Variants in PEX14 observed in about 807,000 individuals in gnomAD.
The protein encoded by PEX14 is peroxisomal biogenesis factor 14, also known as peroxisomal membrane protein PEX14.
In PEX14, 15 loss-of-function variants were observed where a neutral mutation model predicts 49.5. The ratio of observed to expected loss-of-function variants is 0.30; its 90% CI spans 0.20 to 0.47. The LOEUF is 0.47. Among genes scored for constraint, PEX14 ranks in the 20% least tolerant of loss-of-function variants. PEX14 has a pLI of 1.00. For missense variants in PEX14, 398 were observed against 494.8 expected, an observed-to-expected ratio of 0.80 and a Z score of 1.86; for synonymous variants, 210 against 212.7, an observed-to-expected ratio of 0.99 and a Z score of 0.11.
intron 2 of PEX14, among the ~76,000 whole-genome samples, chr1:10,506,034 A>T (rs1641776507): frequency 1.3e-5 from 2 of 151,104 alleles, no homozygotes; most frequent in East Asian, 2.0e-4. Flanking sequence ...ACATATTTTT[A>T]AAACTGTGTC....
At chr1:10,563,325 C>T (rs903397921) in intron 3 of PEX14, among the ~76,000 whole-genome samples, 7 of 151,538 alleles carry the variant, frequency 4.6e-5, no homozygotes, top group Admixed American at 2.6e-4. Context: ...TCAGGCCGGG[C>T]GCGGTTGCTC....
Position 10,495,136 on chromosome 1 carries a change from T to C in PEX14, c.37-138T>C. ...TTACAGGTAGTCCACTGCAAAATACTCTTGTGTCGTGAAAAACCAGTGAGA... is the reference window on the plus strand; with the variant it reads ...TTACAGGTAGTCCACTGCAAAATACCCTTGTGTCGTGAAAAACCAGTGAGA... On this transcript the variant is annotated intron_variant, in intron 1 of 8. Transcript: ENST00000356607. This position sits in a 1 kb window ranked among gnomAD's most constrained non-coding sequence, Gnocchi z 4.2. The C allele has an allele frequency of 6.5e-7, 1 of 1,550,254 alleles. No homozygotes were observed. The highest frequency in any genetic ancestry group is 8.7e-7 in the Non-Finnish European group (1 of 1,146,124).
chr1:10,535,782 T>C, intron 2 of PEX14: 1 of 318,318 alleles, frequency 3.1e-6, no homozygotes, highest in Non-Finnish European at 6.1e-6. Flanking sequence ...AGAACGTGTG[T>C]GTGTGTGTGT....
intron 3 of PEX14, 139 bp downstream of exon 3, chr1:10,536,436 G>A (rs1638805658): frequency 5.7e-6 from 4 of 703,036 alleles, no homozygotes; most frequent in Non-Finnish European, 1.1e-5. Context: ...GGGCTGAGGC[G>A]AACCCCCCAG....
At chr1:10,586,841 C>T (rs1266666637) in intron 3 of PEX14, among the ~76,000 whole-genome samples, 1 of 151,826 alleles carries the variant, frequency 6.6e-6, no homozygotes, top group Non-Finnish European at 1.5e-5. Flanking sequence ...CGGGGTTTCA[C>T]CATGTTAGCC....
chr1:10,565,431 G>T (rs1570275771), intron 3 of PEX14, among the ~76,000 whole-genome samples: 1 of 152,084 alleles, frequency 6.6e-6, no homozygotes, highest in Non-Finnish European at 1.5e-5. Context: ...TCCCAACAAA[G>T]AACCTAAAGT....
chr1:10,555,642 A>AGTGTGTAT (rs1553189660), intron 3 of PEX14, among the ~76,000 whole-genome samples: 2 of 149,372 alleles, frequency 1.3e-5, no homozygotes, highest in Non-Finnish European at 3.0e-5. Flanking sequence ...GCAAGGTGTG[A>AGTGTGTAT]GTGTGTGTGT....
At chr1:10,618,968 AC>A (rs1641515771) in intron 5 of PEX14, among the ~76,000 whole-genome samples, 3 of 152,274 alleles carry the variant, frequency 2.0e-5, no homozygotes, top group South Asian at 2.1e-4. Context: ...TGCTTTATAC[AC>A]CATTGTTCTG....
chr1:10,554,866 C>T (rs1639440479), intron 3 of PEX14, among the ~76,000 whole-genome samples: 1 of 152,036 alleles, frequency 6.6e-6, no homozygotes, highest in Admixed American at 6.6e-5. Context: ...TGATGCGTAC[C>T]ACCATACACC....
At chr1:10,522,588 C>G (rs961198109) in intron 2 of PEX14, among the ~76,000 whole-genome samples, 3 of 152,244 alleles carry the variant, frequency 2.0e-5, no homozygotes, top group African/African-American at 7.2e-5. Flanking sequence ...CAAACAGCAT[C>G]TTTCCTGCTT....
At chr1:10,545,565 G>A (rs1247651368) in intron 3 of PEX14, among the ~76,000 whole-genome samples, 1 of 152,146 alleles carries the variant, frequency 6.6e-6, no homozygotes, top group East Asian at 1.9e-4. Flanking sequence ...TAAATAATAG[G>A]TCATGTTTGG....
intron 3 of PEX14, among the ~76,000 whole-genome samples, chr1:10,569,916 G>A (rs746123946): frequency 6.6e-6 from 1 of 152,070 alleles, no homozygotes; most frequent in Non-Finnish European, 1.5e-5. Context: ...TCACAGTGAT[G>A]TACATGAGAG....
chr1:10,597,777 G>A lies in PEX14; in HGVS notation c.170-1461G>A, dbSNP rs1308812872. On this transcript the variant is annotated intron_variant, in intron 3 of 8. Coordinates refer to ENST00000356607, the MANE Select transcript of PEX14 (RefSeq NM_004565.3). This position sits in a 1 kb window ranked among gnomAD's most constrained non-coding sequence, Gnocchi z 5.7. Reference sequence around the variant, plus strand: ...GGGGAACAGCTGCAGTTTTAAATGGGGATAGTCCTCAACTCCTCAGCACAG... The same window carrying A: ...GGGGAACAGCTGCAGTTTTAAATGGAGATAGTCCTCAACTCCTCAGCACAG... Among the ~76,000 whole-genome samples, 1 of 152,268 alleles carries A rather than the reference G, an allele frequency of 6.6e-6. No homozygotes were observed. The highest frequency in any genetic ancestry group is 1.9e-4 in the East Asian group (1 of 5,166).
intron 2 of PEX14, among the ~76,000 whole-genome samples, chr1:10,533,141 C>G (rs1376628128): frequency 6.6e-6 from 1 of 151,932 alleles, no homozygotes; most frequent in Non-Finnish European, 1.5e-5. Context: ...TATGTTCACA[C>G]TTACATGTAG....
intron 2 of PEX14, among the ~76,000 whole-genome samples, chr1:10,524,061 C>G (rs919767572): frequency 6.6e-6 from 1 of 152,138 alleles, no homozygotes; most frequent in Non-Finnish European, 1.5e-5. Flanking sequence ...CTCTGCCACT[C>G]GAGCGCTAAT....
intron 4 of PEX14, among the ~76,000 whole-genome samples, chr1:10,609,506 C>G (rs1241868456): frequency 1.3e-5 from 2 of 152,188 alleles, no homozygotes; most frequent in African/African-American, 4.8e-5. Flanking sequence ...GCTTTGTGCC[C>G]TTTATGTCGT....
In PEX14 at chr1:10,628,750, G is replaced by A. The variant is rs1641822331; in HGVS notation, c.678-781G>A. ...CTCAAGTGGGGTCTGTGGTGGGAGA[G>A]TTGTGTCTAAGGCCCCTGCTGGGGG... On this transcript the variant is annotated intron_variant, in intron 8 of 8. Coordinates refer to ENST00000356607, the MANE Select transcript of PEX14 (RefSeq NM_004565.3). The surrounding 1 kb of genome is among the most constrained non-coding windows in gnomAD (Gnocchi z 4.5). 6.6e-6 allele frequency among the ~76,000 whole-genome samples: 1 copy of A among 152,230 alleles called. No homozygotes were observed. Among genetic ancestry groups the A allele is most frequent in the South Asian group, 2.1e-4 (1 of 4,834 alleles).
At chr1:10,487,065 C>CTTTTGT in intron 1 of PEX14, among the ~76,000 whole-genome samples, 1 of 151,766 alleles carries the variant, frequency 6.6e-6, no homozygotes, top group South Asian at 2.1e-4. Flanking sequence ...TGAGTTGATC[C>CTTTTGT]TTTTGTTTGC....
At chr1:10,500,434 T>C (rs1210928083) in intron 2 of PEX14, among the ~76,000 whole-genome samples, 1 of 147,988 alleles carries the variant, frequency 6.8e-6, no homozygotes, top group Non-Finnish European at 1.5e-5. Context: ...GCCGGTTGCC[T>C]GTCTGCCAAA....
Sources: gnomAD v4.1 joint callset for allele counts (sites outside exome capture counted in the v4.1 genomes callset) on GRCh38, gnomAD v4.1.1 for gene constraint, Gnocchi (gnomAD v3.1) non-coding constraint, MANE v1.5 for transcripts, NCBI Gene and HGNC (gene_info 2026-07-23, HGNC 2026-07-21) for gene names.